NSMCE2: variants seen among roughly 807,000 people sequenced by gnomAD.
NSMCE2 encodes the protein NSE2 SUMO ligase component of SMC5/6 complex.
NSMCE2 carries 24 observed loss-of-function variants against 23.8 expected under a neutral mutation model. That is an observed-to-expected ratio of 1.01 (90% CI 0.73 to 1.42). NSMCE2 has a LOEUF of 1.42. Among genes scored for constraint, NSMCE2 ranks in the 40% most tolerant of loss-of-function variants. The pLI is 0.00. For synonymous variants in NSMCE2, 92 were observed against 94.1 expected, an observed-to-expected ratio of 0.98 and a Z score of 0.13; for missense variants, 284 against 296.5, an observed-to-expected ratio of 0.96 and a Z score of 0.31.
intron 3 of NSMCE2, among the ~76,000 whole-genome samples, chr8:125,112,173 T>C (rs1036336097): frequency 1.3e-5 from 2 of 152,362 alleles, no homozygotes; most frequent in Non-Finnish European, 2.9e-5. Flanking sequence ...AATAGCATTA[T>C]AACTTAAATT....
intron 5 of NSMCE2, among the ~76,000 whole-genome samples, chr8:125,259,655 C>G (rs1288006359): frequency 6.6e-6 from 1 of 152,184 alleles, no homozygotes; most frequent in Non-Finnish European, 1.5e-5. Flanking sequence ...ACATCTTACC[C>G]TGTGGCCTAC....
At chr8:125,223,201 C>CA (rs1824946282) in intron 5 of NSMCE2, among the ~76,000 whole-genome samples, 1 of 151,428 alleles carries the variant, frequency 6.6e-6, no homozygotes, top group Admixed American at 6.6e-5. Flanking sequence ...ACAAAAAATA[C>CA]AAAAAAATTA....
intron 5 of NSMCE2, among the ~76,000 whole-genome samples, chr8:125,262,426 AAAAT>A (rs1036908605): frequency 1.3e-5 from 2 of 152,204 alleles, no homozygotes; most frequent in Admixed American, 6.5e-5. Flanking sequence ...TCCCTCTCAA[AAAAT>A]AAATAAATAA....
chr8:125,104,232 C>T lies in NSMCE2; in HGVS notation c.157+1745C>T, dbSNP rs145808551. On this transcript the variant is annotated intron_variant, in intron 3 of 7. Coordinates refer to ENST00000287437, the MANE Select transcript of NSMCE2 (RefSeq NM_173685.4). Reference sequence around the variant, plus strand: ...CTCAAACTCCCAACCTCAGGTAATCCGCCTGCCTTGGCCTTCCAAAATCTT... The same window carrying T: ...CTCAAACTCCCAACCTCAGGTAATCTGCCTGCCTTGGCCTTCCAAAATCTT... 4.1e-3 allele frequency among the ~76,000 whole-genome samples: 627 copies of T among 152,228 alleles called. 4 individuals carry two copies. The highest frequency in any genetic ancestry group is 0.015 in the African/African-American group (606 of 41,530).
intron 3 of NSMCE2, among the ~76,000 whole-genome samples, chr8:125,123,519 T>C (rs1819366584): frequency 6.6e-6 from 1 of 152,270 alleles, no homozygotes; most frequent in Non-Finnish European, 1.5e-5. Context: ...AAGTGACTTA[T>C]CTGAAGTCAC....
chr8:125,176,967 G>T (rs1822530047), intron 4 of NSMCE2, among the ~76,000 whole-genome samples: 1 of 152,212 alleles, frequency 6.6e-6, no homozygotes, highest in Admixed American at 6.5e-5. Context: ...TCTGACACCT[G>T]TAAGGACAAT....
At chr8:125,312,399 G>A (rs1829006415) in intron 5 of NSMCE2, among the ~76,000 whole-genome samples, 1 of 152,172 alleles carries the variant, frequency 6.6e-6, no homozygotes, top group South Asian at 2.1e-4. Flanking sequence ...GCTGAGGCGA[G>A]TGGATCACAA....
chr8:125,095,976 T>G (rs1049718971), intron 1 of NSMCE2, among the ~76,000 whole-genome samples: 1 of 152,172 alleles, frequency 6.6e-6, no homozygotes, highest in Non-Finnish European at 1.5e-5. Flanking sequence ...TACTTAGTAC[T>G]GTAACAGGTA....
chr8:125,182,279 G>A (rs758887967), intron 5 of NSMCE2, 23 bp downstream of exon 5: 4 of 1,583,692 alleles, frequency 2.5e-6, no homozygotes, highest in Non-Finnish European at 3.4e-6. Flanking sequence ...GCTTTGCTTT[G>A]GTTCGGCTTT....
chr8:125,320,292 GGAAGGAAGGAA>G (rs1463722743), intron 5 of NSMCE2, among the ~76,000 whole-genome samples: 1 of 99,578 alleles, frequency 1.0e-5, no homozygotes, highest in African/African-American at 3.1e-5. Context: ...AAGGAAGGAA[GGAAGGAAGGAA>G]GGAAGGGAAG....
intron 5 of NSMCE2, among the ~76,000 whole-genome samples, chr8:125,226,833 G>C (rs1235641793): frequency 6.6e-6 from 1 of 152,052 alleles, no homozygotes. Context: ...TGACAGTCTG[G>C]CTATTTCTGC....
intron 5 of NSMCE2, among the ~76,000 whole-genome samples, chr8:125,287,877 CTG>C (rs1423263021): frequency 5.3e-5 from 8 of 152,232 alleles, no homozygotes; most frequent in African/African-American, 1.7e-4. Context: ...TCCTAAGTCT[CTG>C]TGCCATTTAA....
chr8:125,146,881 A>G (rs1820706992), intron 3 of NSMCE2, among the ~76,000 whole-genome samples: 1 of 152,116 alleles, frequency 6.6e-6, no homozygotes. Context: ...ATGTACCCTA[A>G]AACTTAAAGT....
At chr8:125,145,069 C>T (rs1484716296) in intron 3 of NSMCE2, among the ~76,000 whole-genome samples, 1 of 152,154 alleles carries the variant, frequency 6.6e-6, no homozygotes, top group Non-Finnish European at 1.5e-5. Flanking sequence ...TATTAGAGCA[C>T]TTCACTCTAA....
intron 5 of NSMCE2, among the ~76,000 whole-genome samples, chr8:125,331,003 T>C (rs1391377961): frequency 1.3e-5 from 2 of 152,170 alleles, no homozygotes; most frequent in Admixed American, 6.5e-5. Context: ...TTGTGTCATA[T>C]ATTAAGAAAG....
chr8:125,304,693 C>G (rs1156532285), intron 5 of NSMCE2, among the ~76,000 whole-genome samples: 1 of 151,872 alleles, frequency 6.6e-6, no homozygotes, highest in African/African-American at 2.4e-5. Context: ...CCCATCTCTA[C>G]TAAAAATACA....
intron 3 of NSMCE2, among the ~76,000 whole-genome samples, chr8:125,112,787 A>G (rs929469011): frequency 2.0e-5 from 3 of 152,158 alleles, no homozygotes; most frequent in African/African-American, 7.2e-5. Flanking sequence ...AGGATACAAA[A>G]TTACCATTAG....
intron 5 of NSMCE2, among the ~76,000 whole-genome samples, chr8:125,252,450 C>T (rs1456110592): frequency 6.6e-6 from 1 of 152,140 alleles, no homozygotes; most frequent in East Asian, 1.9e-4. Context: ...GGCGTGAACC[C>T]AGGAGGCGGA....
At chr8:125,292,529 GGGCAACA>G (rs1235701693) in intron 5 of NSMCE2, among the ~76,000 whole-genome samples, 1 of 151,888 alleles carries the variant, frequency 6.6e-6, no homozygotes, top group East Asian at 1.9e-4. Flanking sequence ...ACTCCAGCCT[GGGCAACA>G]GAGCAAGACT....
Sources: gnomAD v4.1 joint callset for allele counts (sites outside exome capture counted in the v4.1 genomes callset) on GRCh38, gnomAD v4.1.1 for gene constraint, MANE v1.5 for transcripts, NCBI Gene and HGNC (gene_info 2026-07-23, HGNC 2026-07-21) for gene names.